The following HPS3 variants were observed in gnomAD, a reference collection of about 807,000 sequenced individuals.
HPS3 encodes HPS3 biogenesis of lysosomal organelles complex 2 subunit 1.
HPS3 carries 79 observed loss-of-function variants against 110.9 expected under a neutral mutation model. The observed-to-expected ratio is 0.71, with a 90% CI of 0.59 to 0.86. The LOEUF is 0.86. HPS3 is among the 40% of genes least tolerant of loss of function. The pLI is 0.00. For missense variants in HPS3, 1,197 were observed against 1,206.2 expected (o/e 0.99, Z 0.11); for synonymous variants, 428 against 451.0 (o/e 0.95, Z 0.65).
chr3:149,158,248 A>G (rs1723576182), intron 9 of HPS3, among the ~76,000 whole-genome samples: 1 of 152,264 alleles, frequency 6.6e-6, no homozygotes, highest in Non-Finnish European at 1.5e-5. Flanking sequence ...TTAATAAAAC[A>G]GACTTTTCCT....
intron 16 of HPS3, chr3:149,168,244 T>C (rs1163539656): frequency 1.4e-5 from 6 of 416,668 alleles, no homozygotes; most frequent in African/African-American, 1.2e-4. Flanking sequence ...AATGACAGCA[T>C]CAGTGTTTTA....
intron 4 of HPS3, among the ~76,000 whole-genome samples, chr3:149,143,811 A>G (rs1722628509): frequency 6.6e-6 from 1 of 152,180 alleles, no homozygotes; most frequent in Non-Finnish European, 1.5e-5. Context: ...TGGAGAGTAC[A>G]GAATTGGACT....
At chr3:149,137,350 T>G (rs1375519377) in intron 1 of HPS3, among the ~76,000 whole-genome samples, 1 of 152,190 alleles carries the variant, frequency 6.6e-6, no homozygotes. Context: ...GTGGAGAAAT[T>G]GGAACCCTTA....
rs1037034639 is a variant in HPS3, at chr3:149,129,958, C to G, written c.217+18C>G. 7 of 1,533,516 alleles carry G rather than the reference C, an allele frequency of 4.6e-6. No homozygotes were observed. In the African/African-American group the frequency reaches 9.6e-5, roughly 21 times the overall value. 95.0% of individuals were successfully genotyped at this position (1,533,516 alleles called of 1,614,324 possible). On this transcript the variant is annotated intron_variant, in intron 1 of 16. Coordinates refer to ENST00000296051, the MANE Select transcript of HPS3 (RefSeq NM_032383.5). ...CGAGGCTGGTGAGTAATCTAGAGAGCCAGGGGCCGCCTGGGGTCCAGCTTG... is the reference window on the plus strand; with the variant it reads ...CGAGGCTGGTGAGTAATCTAGAGAGGCAGGGGCCGCCTGGGGTCCAGCTTG...
At position 149,140,193 on chromosome 3, in the gene HPS3, C is replaced by G; in HGVS notation, c.407C>G (p.Pro136Arg). Residue 136 changes from proline to arginine, a missense_variant, in exon 2 of 17, where the codon CCC (proline) becomes CGC (arginine). Coordinates refer to ENST00000296051, the MANE Select transcript of HPS3 (RefSeq NM_032383.5). Reference sequence around the variant, plus strand: ...ATTGAAATGCCGCTTTCGGAGGCCCCCTTGTGCATTTCCTGTTGCCCTGTG... The same window carrying G: ...ATTGAAATGCCGCTTTCGGAGGCCCGCTTGTGCATTTCCTGTTGCCCTGTG... ...YIIEMPLSEA[P>R]LCISCCPVKG... The G allele has an allele frequency of 6.2e-7, 1 of 1,614,168 alleles. No individual in the cohort carries two copies. The highest frequency in any genetic ancestry group is 8.5e-7 in the Non-Finnish European group (1 of 1,180,014).
intron 1 of HPS3, among the ~76,000 whole-genome samples, chr3:149,137,697 C>T (rs1177526911): frequency 6.6e-6 from 1 of 152,078 alleles, no homozygotes; most frequent in African/African-American, 2.4e-5. Flanking sequence ...AGAAGTTATG[C>T]TAAGTGATAC....
At chr3:149,144,339 T>A (rs1168470808) in intron 4 of HPS3, among the ~76,000 whole-genome samples, 1 of 152,068 alleles carries the variant, frequency 6.6e-6, no homozygotes, top group Non-Finnish European at 1.5e-5. Flanking sequence ...GCCGAGATCG[T>A]GCCACTGCAC....
intron 10 of HPS3, among the ~76,000 whole-genome samples, chr3:149,159,091 C>T (rs1723632871): frequency 6.6e-6 from 1 of 152,180 alleles, no homozygotes; most frequent in Non-Finnish European, 1.5e-5. Context: ...GTTGTAGTCT[C>T]AACACCTGCC....
chr3:149,167,259 T>C lies in HPS3; in HGVS notation c.2796+19T>C, dbSNP rs778784768. 3.2e-6 allele frequency: 5 copies of C among 1,586,404 alleles called. No homozygotes were observed. The highest frequency in any genetic ancestry group is 4.3e-6 in the Non-Finnish European group (5 of 1,159,882). ...GAACCGGGTATGCTTTTTCAGATTATGTTTTTAGGCTTGATCAGTGATAAT... is the reference window on the plus strand; with the variant it reads ...GAACCGGGTATGCTTTTTCAGATTACGTTTTTAGGCTTGATCAGTGATAAT... On this transcript the variant is annotated intron_variant, in intron 15 of 16. Coordinates refer to ENST00000296051, the MANE Select transcript of HPS3 (RefSeq NM_032383.5).
intron 1 of HPS3, 80 bp downstream of exon 1, chr3:149,130,020 A>G: frequency 7.5e-7 from 1 of 1,324,826 alleles, no homozygotes; most frequent in Non-Finnish European, 1.0e-6. Context: ...TCTGGGCTGT[A>G]GCTCTAGCTA....
chr3:149,169,045 G>C (rs1269665641), intron 16 of HPS3, among the ~76,000 whole-genome samples: 1 of 152,012 alleles, frequency 6.6e-6, no homozygotes, highest in East Asian at 1.9e-4. Flanking sequence ...ATACGTGTGT[G>C]TGTGTGTGTG....
At position 149,141,093 on chromosome 3, in the gene HPS3, A is replaced by G. The variant is rs927155737; in HGVS notation, c.789A>G (p.Glu263=). The G allele has an allele frequency of 2.0e-5, 32 of 1,613,910 alleles. No homozygotes were observed. The highest frequency in any genetic ancestry group is 2.3e-5 in the Non-Finnish European group (27 of 1,179,956). ...ICQKPLELLG[E]KSEQSGLSVT... ...AGAAGCCCCTGGAACTTCTTGGTGA[A>G]AAAAGTGAACAGTCTGGATTATCTG... Residue 263 remains glutamate (E), a synonymous_variant, in exon 3 of 17, where the codon GAA becomes GAG. Transcript: ENST00000296051.
chr3:149,158,465 A>C (rs1182116293), intron 9 of HPS3, among the ~76,000 whole-genome samples: 1 of 152,186 alleles, frequency 6.6e-6, no homozygotes, highest in Non-Finnish European at 1.5e-5. Flanking sequence ...ATATTCTGTT[A>C]TAGAATGTTT....
chr3:149,171,029 C>G (rs1724929069), intron 16 of HPS3, among the ~76,000 whole-genome samples: 1 of 152,078 alleles, frequency 6.6e-6, no homozygotes, highest in East Asian at 1.9e-4. Context: ...CCGGTAATCC[C>G]AGTGCTTTGG....
At chr3:149,142,410 C>T (rs1722530692) in intron 4 of HPS3, among the ~76,000 whole-genome samples, 1 of 152,138 alleles carries the variant, frequency 6.6e-6, no homozygotes, top group South Asian at 2.1e-4. Flanking sequence ...TTGTTTTCAA[C>T]CCTGCCACAC....
intron 5 of HPS3, among the ~76,000 whole-genome samples, chr3:149,148,838 A>G (rs891907037): frequency 1.3e-5 from 2 of 152,016 alleles, no homozygotes; most frequent in South Asian, 2.1e-4. Context: ...ACATCTTTCA[A>G]TGCCAGCACA....
At chr3:149,160,395 C>A in intron 11 of HPS3, 116 bp downstream of exon 11, 1 of 741,782 alleles carries the variant, frequency 1.3e-6, no homozygotes, top group Non-Finnish European at 2.4e-6. Flanking sequence ...TAATGGAAAA[C>A]AGACAATATT....
rs758176776 is a variant in HPS3, at chr3:149,140,048, C to G, written c.262C>G (p.Leu88Val). The stretch of plus-strand genomic sequence containing the variant: ...TGAAGAGAAAAACAAAGCTACATTT[C>G]TACGTGCTTATGTGAACTGGAGAAA... ...AIEEKNKATF[L>V]RAYVNWRNKR... Residue 88 changes from leucine to valine, a missense_variant, in exon 2 of 17, where the codon CTA becomes GTA. By Grantham distance (32) the Leu-to-Val change is conservative (BLOSUM62 1). Transcript: ENST00000296051. 6.2e-7 allele frequency: 1 copy of G among 1,613,322 alleles called. No homozygotes were observed. Among genetic ancestry groups the G allele is most frequent in the South Asian group, 1.1e-5 (1 of 90,906 alleles).
At position 149,173,386 on chromosome 3, in the gene HPS3, G is replaced by T; in HGVS notation, c.*1164G>T. The T allele has an allele frequency of 5.0e-6, 1 of 199,806 alleles. No homozygotes were observed. Among genetic ancestry groups the T allele is most frequent in the Non-Finnish European group, 1.0e-5 (1 of 99,014 alleles). The allele number at this position is 199,806 out of a possible 1,614,324, so 12.4% of individuals were successfully genotyped here. On this transcript the variant is annotated 3_prime_UTR_variant, in exon 17 of 17. Coordinates refer to ENST00000296051, the MANE Select transcript of HPS3 (RefSeq NM_032383.5). ...CAATGAACCTTAATAGTGTTCCTTT[G>T]AGGAGCACCCAGGAGAATATCTGGT...
Sources: allele counts gnomAD v4.1 joint callset (sites outside exome capture counted in the v4.1 genomes callset), GRCh38; gene constraint gnomAD v4.1.1; transcripts MANE v1.5; gene names NCBI Gene and HGNC (gene_info 2026-07-23, HGNC 2026-07-21).